Variants in LAMB2 observed in about 807,000 individuals in gnomAD.
LAMB2 encodes laminin subunit beta-2.
LAMB2 carries 119 observed loss-of-function variants against 202.7 expected under a neutral mutation model. The observed-to-expected ratio is 0.59, with a 90% confidence interval of 0.51 to 0.68. The LOEUF is 0.68. LAMB2 is among the 30% of genes least tolerant of loss of function. The pLI, the probability that LAMB2 is intolerant of heterozygous loss-of-function variation, is 0.00. For synonymous variants in LAMB2, 818 were observed against 902.2 expected, an observed-to-expected ratio of 0.91 and a Z score of 1.67; for missense variants, 2,124 against 2,410.6, an observed-to-expected ratio of 0.88 and a Z score of 2.49.
In LAMB2 at chr3:49,124,726, C is replaced by T. The variant is rs1329251476; in HGVS notation, c.3084G>A (p.Gly1028=). 1 of 1,614,180 alleles carries T rather than the reference C, an allele frequency of 6.2e-7. No individual in the cohort carries two copies. The highest frequency in any genetic ancestry group is 1.1e-5 in the South Asian group (1 of 91,084). The change falls in exon 21 of 32, where the codon GGG becomes GGA. Residue 1028 remains glycine (G), a synonymous_variant. Coordinates refer to ENST00000305544, the MANE Select transcript of LAMB2 (RefSeq NM_002292.4). ...HCAHCKPGFH[G]QAARQSCHRC... is the part of the protein sequence containing the mutation. ...GGTGACAGCTCTGTCGGGCAGCCTG[C>T]CCATGGAAGCCAGGCTTGCAGTGGG...
At position 49,121,420 on chromosome 3, in the gene LAMB2, C is replaced by T. The variant is rs368567142; in HGVS notation, c.5260+13G>A. 6.3e-5 allele frequency: 102 copies of T among 1,613,968 alleles called. No individual in the cohort carries two copies. The highest frequency in any genetic ancestry group is 4.9e-4 in the Middle Eastern group (3 of 6,084). ...TTCCCGCAGTCTTGTGTCTCTGGTGCCCCATTTCTTACCCTGTAGCCGCTG... is the reference window on the plus strand; with the variant it reads ...TTCCCGCAGTCTTGTGTCTCTGGTGTCCCATTTCTTACCCTGTAGCCGCTG... On this transcript the variant is annotated intron_variant, in intron 31 of 31. Coordinates refer to ENST00000305544, the MANE Select transcript of LAMB2 (RefSeq NM_002292.4).
rs772338869 is a variant in LAMB2, at chr3:49,124,629, G to T, written c.3110-17C>A. On this transcript the variant is annotated splice_polypyrimidine_tract_variant and intron_variant, in intron 21 of 31. Transcript: ENST00000305544. ...ATGTGCAGCCTGTGCCAACCAAGAT[G>T]AGCACAGTAGTCAAGAGGAGGCCAA... 8 of 1,613,514 alleles carry T rather than the reference G, an allele frequency of 5.0e-6. No individual in the cohort carries two copies. The highest frequency in any genetic ancestry group is 1.1e-5 in the South Asian group (1 of 91,042).
rs770983251 is a variant in LAMB2 at position 49,124,990 on chromosome 3, G to A, written c.2884+16C>T. 9 of 1,613,802 alleles carry A rather than the reference G, an allele frequency of 5.6e-6. No individual in the cohort carries two copies. Among genetic ancestry groups the A allele is most frequent in the Non-Finnish European group, 7.6e-6 (9 of 1,180,010 alleles). On this transcript the variant is annotated intron_variant, in intron 20 of 31. Transcript: ENST00000305544. ...GCCAACTCACCCTGATCCCACGCCTGCCCCCATCCACTCACCCGTATAGCC... is the reference window on the plus strand; with the variant it reads ...GCCAACTCACCCTGATCCCACGCCTACCCCCATCCACTCACCCGTATAGCC...
In LAMB2 at chr3:49,131,602, G is replaced by C. The variant is rs139885683; in HGVS notation, c.581C>G (p.Pro194Arg). 1.2e-6 allele frequency: 2 copies of C among 1,613,698 alleles called. No individual in the cohort carries two copies. Among genetic ancestry groups the C allele is most frequent in the African/African-American group, 2.7e-5 (2 of 74,894 alleles). ...ADFPGVPLAPPRHWDDVVCES... is the reference protein window; with the variant it reads ...ADFPGVPLAPRRHWDDVVCES... ...ACAGACTACATCATCCCAGTGCCGT[G>C]GGGGTGCTAGTGGGACTCCTGGGAA... is the stretch of plus-strand genomic sequence containing the variant. Residue 194 changes from proline (P) to arginine (R), a missense_variant, in exon 5 of 32, where the codon CCA (proline) becomes CGA (arginine). Physicochemically the swap from Pro to Arg is moderately radical, Grantham distance 103 (BLOSUM62 -2). Transcript: ENST00000305544. This position sits in a 1 kb window ranked among gnomAD's most constrained non-coding sequence, Gnocchi z 5.0.
rs1251336428 is a variant in LAMB2, at chr3:49,123,222, GTCC to G, written c.4131_4133del (p.Glu1377del). The G allele has an allele frequency of 2.7e-5, 43 of 1,613,890 alleles. No homozygotes were observed. Among genetic ancestry groups the G allele is most frequent in the Non-Finnish European group, 3.2e-5 (38 of 1,180,056 alleles). ...GGTTGGCCATGTGTTTGCTGTTGAAGTCCTCCTTCTGAGCATCCATCAGTGCCT... is the reference window on the plus strand; with the variant it reads ...GGTTGGCCATGTGTTTGCTGTTGAAGTCCTTCTGAGCATCCATCAGTGCCT... On this transcript the variant is annotated inframe_deletion, in exon 26 of 32. Coordinates refer to ENST00000305544, the MANE Select transcript of LAMB2 (RefSeq NM_002292.4).
intron 27 of LAMB2, 99 bp downstream of exon 27, chr3:49,122,605 G>A: frequency 1.8e-6 from 2 of 1,082,606 alleles, no homozygotes; most frequent in Admixed American, 1.7e-5. Context: ...CACTAATCCA[G>A]TGTAGTCCCT....
Position 49,121,179 on chromosome 3 carries a change from A to G in LAMB2, c.*47T>C. On this transcript the variant is annotated 3_prime_UTR_variant, in exon 32 of 32. Coordinates refer to ENST00000305544, the MANE Select transcript of LAMB2 (RefSeq NM_002292.4). ...AGAGCTCTTCAGTGCATAGGCAGAC[A>G]TGCATGTGGGGCAGTGCTAGGAACT... 1 of 1,609,994 alleles carries G rather than the reference A, an allele frequency of 6.2e-7. No homozygotes were observed. Among genetic ancestry groups the G allele is most frequent in the Admixed American group, 1.7e-5 (1 of 59,972 alleles).
Position 49,123,194 on chromosome 3 carries a change from G to T in LAMB2, c.4162C>A (p.Arg1388=). Residue 1388 remains arginine (R), a synonymous_variant, in exon 26 of 32, where the codon CGG becomes AGG. Transcript: ENST00000305544. ...DFNSKHMANQ[R]ALGKLSAHTH... Reference sequence around the variant, plus strand: ...TGGGCAGAGAGCTTGCCAAGTGCCCGCTGGTTGGCCATGTGTTTGCTGTTG... The same window carrying T: ...TGGGCAGAGAGCTTGCCAAGTGCCCTCTGGTTGGCCATGTGTTTGCTGTTG... The T allele has an allele frequency of 6.2e-7, 1 of 1,613,848 alleles. No homozygotes were observed. The highest frequency in any genetic ancestry group is 8.5e-7 in the Non-Finnish European group (1 of 1,180,038).
rs766610808 is a variant in LAMB2, at chr3:49,132,256, AC to A, written c.385+13del. The A allele has an allele frequency of 6.2e-7, 1 of 1,614,126 alleles. No homozygotes were observed. Among genetic ancestry groups the A allele is most frequent in the South Asian group, 1.1e-5 (1 of 91,082 alleles). On this transcript the variant is annotated intron_variant, in intron 3 of 31. Transcript: ENST00000305544. The surrounding 1 kb of genome is among the most constrained non-coding windows in gnomAD (Gnocchi z 4.6). ...GGGCAGCCCTGCTCACTTTTGCCCC[AC>A]CCATGGCCTCACCATTCTCTGACTG...
chr3:49,123,262 C>A lies in LAMB2; in HGVS notation c.4094G>T (p.Arg1365Leu). ...ATCCATCAGTGCCTCTGTCCGATGC[C>A]GAGCACTTGCCGAGTTGCTCACAGG... The part of the protein sequence containing the change: ...PSPVSNSASA[R>L]HRTEALMDAQ... Residue 1365 changes from arginine to leucine, a missense_variant, in exon 26 of 32, where the codon CGG (arginine) becomes CTG (leucine). Physicochemically the swap from Arg to Leu is moderately radical, Grantham distance 102. This residue lies in a region of LAMB2 where 1,702 missense variants were observed against 1,896.3 expected (regional missense o/e 0.90). Transcript: ENST00000305544. 6.2e-7 allele frequency: 1 copy of A among 1,614,066 alleles called. No homozygotes were observed.
chr3:49,130,494 G>A lies in LAMB2; in HGVS notation c.1037-75C>T, dbSNP rs1166346816. 13 of 1,560,002 alleles carry A rather than the reference G, an allele frequency of 8.3e-6. No homozygotes were observed. The highest frequency in any genetic ancestry group is 1.4e-5 in the African/African-American group (1 of 73,848). On this transcript the variant is annotated intron_variant, in intron 8 of 31. Transcript: ENST00000305544. The surrounding 1 kb of genome is among the most constrained non-coding windows in gnomAD (Gnocchi z 5.0). ...CAAGGGTAAGAAGTAGGCCACCTTA[G>A]ATCCCTATCACAGGCCAGAATTTGT...
chr3:49,125,605 A>G, intron 18 of LAMB2, 121 bp from the exon 19 acceptor site: 1 of 1,406,956 alleles, frequency 7.1e-7, no homozygotes, highest in East Asian at 2.5e-5. Flanking sequence ...AGGAAATGGA[A>G]GAGAACTACA....
chr3:49,123,704 A>G (rs1165194574), intron 24 of LAMB2, 24 bp downstream of exon 24: 1 of 1,613,554 alleles, frequency 6.2e-7, no homozygotes, highest in Non-Finnish European at 8.5e-7. Flanking sequence ...CCATCCCACC[A>G]TGTATTCTTA....
At position 49,121,268 on chromosome 3, in the gene LAMB2, T is replaced by G; in HGVS notation, c.5355A>C (p.Gln1785His). Residue 1785 changes from glutamine to histidine, a missense_variant, in exon 32 of 32, where the codon CAA (glutamine) becomes CAC (histidine). Physicochemically the swap from Gln to His is conservative, Grantham distance 24. Transcript: ENST00000305544. ...AGATCTGCACCTGCAAGTTGATGGCTTGAAGCACGCTGCGCATCCTGGCCT... is the reference window on the plus strand; with the variant it reads ...AGATCTGCACCTGCAAGTTGATGGCGTGAAGCACGCTGCGCATCCTGGCCT... ...GLEARMRSVL[Q>H]AINLQVQIYN... 1 of 1,612,388 alleles carries G rather than the reference T, an allele frequency of 6.2e-7. No homozygotes were observed. The highest frequency in any genetic ancestry group is 8.5e-7 in the Non-Finnish European group (1 of 1,180,000).
At position 49,130,218 on chromosome 3, in the gene LAMB2, A is replaced by G. The variant is rs773865928; in HGVS notation, c.1225+13T>C. On this transcript the variant is annotated intron_variant, in intron 9 of 31. Coordinates refer to ENST00000305544, the MANE Select transcript of LAMB2 (RefSeq NM_002292.4). The surrounding 1 kb of genome is among the most constrained non-coding windows in gnomAD (Gnocchi z 5.0). ...GCTCAGCTTTCTCTCCCCGTGCCCA[A>G]TCCCAGCCTCACAGCGGCACACAGC... 31 of 1,613,846 alleles carry G rather than the reference A, an allele frequency of 1.9e-5. No homozygotes were observed. In the South Asian group the frequency reaches 2.7e-4, roughly 14 times the overall value.
In LAMB2 at chr3:49,130,866, G is replaced by A. The variant is rs979771039; in HGVS notation, c.916-6C>T. The A allele has an allele frequency of 6.2e-7, 1 of 1,614,200 alleles. No individual in the cohort carries two copies. Among genetic ancestry groups the A allele is most frequent in the Non-Finnish European group, 8.5e-7 (1 of 1,180,024 alleles). On this transcript the variant is annotated splice_polypyrimidine_tract_variant and splice_region_variant and intron_variant, in intron 7 of 31. Coordinates refer to ENST00000305544, the MANE Select transcript of LAMB2 (RefSeq NM_002292.4). This position sits in a 1 kb window ranked among gnomAD's most constrained non-coding sequence, Gnocchi z 5.0. The stretch of plus-strand genomic sequence containing the variant: ...CAGATGCAAGCTCCGTGCACCTATA[G>A]AGGTTGGCAGGTAGGTTGTCAGCAC...
In LAMB2 at chr3:49,122,185, G is replaced by A. The variant is rs760451762; in HGVS notation, c.4759C>T (p.Leu1587=). Residue 1587 remains leucine (L), a synonymous_variant, in exon 28 of 32, where the codon CTG becomes TTG. Coordinates refer to ENST00000305544, the MANE Select transcript of LAMB2 (RefSeq NM_002292.4). ...VGDVRRAEQL[L]QDARRARSWA... is the part of the protein sequence containing the mutation. ...GACCTTGCCCGCCGTGCATCCTGCA[G>A]TAGCTGCTCGGCACGACGCACATCT... 10 of 1,613,472 alleles carry A rather than the reference G, an allele frequency of 6.2e-6. No individual in the cohort carries two copies. Among genetic ancestry groups the A allele is most frequent in the Non-Finnish European group, 8.5e-6 (10 of 1,180,054 alleles).
Position 49,132,820 on chromosome 3 carries a change from C to A in LAMB2, c.48G>T (p.Trp16Cys). Residue 16 changes from tryptophan (W) to cysteine (C), a missense_variant, in exon 1 of 32, where the codon TGG (tryptophan) becomes TGT (cysteine). Trp to Cys is a radical substitution (Grantham distance 215). Transcript: ENST00000305544. The surrounding 1 kb of genome is among the most constrained non-coding windows in gnomAD (Gnocchi z 4.6). Reference protein sequence around the residue: ...RERGRGQPLPWELRLGLLLSV... With the variant: ...RERGRGQPLPCELRLGLLLSV... ...TTAGCAGTAGGCCCAGTCGAAGTTC[C>A]CAGGGCAGAGGCTGTCCCCTCCCTC... 6.2e-7 allele frequency: 1 copy of A among 1,614,238 alleles called. No individual in the cohort carries two copies. Among genetic ancestry groups the A allele is most frequent in the South Asian group, 1.1e-5 (1 of 91,086 alleles).
Position 49,129,291 on chromosome 3 carries a change from C to T in LAMB2, c.1552G>A (p.Gly518Ser), listed in dbSNP as rs567153631. The change falls in exon 12 of 32, where the codon GGC becomes AGC. Residue 518 changes from glycine (G) to serine (S), a missense_variant. This residue lies in a region of LAMB2 where 1,702 missense variants were observed against 1,896.3 expected (regional missense o/e 0.90). Coordinates refer to ENST00000305544, the MANE Select transcript of LAMB2 (RefSeq NM_002292.4). This position sits in a 1 kb window ranked among gnomAD's most constrained non-coding sequence, Gnocchi z 6.1. ...ACGTCGCAGTCACAGGGGCGGCAGC[C>T]GAGCAGGTCGTGGCTCAGGCCCCAG... ...GHWGLSHDLLGCRPCDCDVGG... is the reference protein window; with the variant it reads ...GHWGLSHDLLSCRPCDCDVGG... 14 of 1,613,456 alleles carry T rather than the reference C, an allele frequency of 8.7e-6. No individual in the cohort carries two copies. The African/African-American group carries it at 1.5e-4, about 17-fold the overall frequency.
Sources: allele counts gnomAD v4.1 joint callset, GRCh38; gene constraint gnomAD v4.1.1; regional missense constraint gnomAD v4.1.1; non-coding constraint Gnocchi (gnomAD v3.1); transcripts MANE v1.5; gene names NCBI Gene and HGNC (gene_info 2026-07-23, HGNC 2026-07-21).